UBTD2: variants seen among roughly 807,000 people sequenced by gnomAD.
UBTD2 encodes the protein ubiquitin domain containing 2.
Under a neutral mutation model 19.8 loss-of-function variants are expected in UBTD2, and 9 were observed. The ratio of observed to expected loss-of-function variants is 0.46; its 90% CI spans 0.27 to 0.79. The LOEUF (loss-of-function observed/expected upper bound fraction) is 0.79. Ranked by LOEUF, UBTD2 falls within the 30% of genes least tolerant of loss-of-function variation. The probability of loss-of-function intolerance (pLI) is 0.14; values close to 1 mark genes in which losing one functional copy is unlikely to be tolerated. For missense variants in UBTD2, 250 were observed against 300.4 expected (o/e 0.83, Z 1.24); for synonymous variants, 98 against 103.9 (o/e 0.94, Z 0.35).
At chr5:172,221,926 T>C (rs1226710101) in intron 2 of UBTD2, among the ~76,000 whole-genome samples, 1 of 152,122 alleles carries the variant, frequency 6.6e-6, no homozygotes, top group African/African-American at 2.4e-5. Context: ...ATGTTGATAC[T>C]GGGGGAGGCT....
At chr5:172,245,306 T>A (rs537487849) in intron 1 of UBTD2, among the ~76,000 whole-genome samples, 1 of 152,264 alleles carries the variant, frequency 6.6e-6, no homozygotes, top group Admixed American at 6.5e-5. Context: ...TCCTTGGTAA[T>A]GGAGATCATG....
intron 1 of UBTD2, among the ~76,000 whole-genome samples, chr5:172,268,765 AG>A (rs1425612917): frequency 6.6e-6 from 1 of 152,170 alleles, no homozygotes; most frequent in Non-Finnish European, 1.5e-5. Flanking sequence ...AGAATGTCAT[AG>A]GGAAGAAGAG....
At chr5:172,241,283 C>T (rs553421389) in intron 1 of UBTD2, among the ~76,000 whole-genome samples, 70 of 151,916 alleles carry the variant, frequency 4.6e-4, no homozygotes, top group Non-Finnish European at 9.0e-4. Flanking sequence ...CGCAGTGGTG[C>T]TTGTAATCCC....
At chr5:172,268,377 C>A (rs992804930) in intron 1 of UBTD2, among the ~76,000 whole-genome samples, 2 of 152,094 alleles carry the variant, frequency 1.3e-5, no homozygotes, top group Non-Finnish European at 2.9e-5. Context: ...GTTCAACCGT[C>A]CTCTGTAGAA....
At chr5:172,255,125 T>C (rs1755111390) in intron 1 of UBTD2, 2 of 466,136 alleles carry the variant, frequency 4.3e-6, no homozygotes, top group South Asian at 1.9e-5. Context: ...AGTATTTTCA[T>C]TGGTGGGCTG....
Position 172,211,343 on chromosome 5 carries a change from T to C in UBTD2, c.*487A>G, listed in dbSNP as rs1221611912. ...CAAATACTGCTCTTTTCAGTTTCCA[T>C]TAACCAAAACAAAACAAAACAAAAC... is the stretch of plus-strand genomic sequence containing the variant. On this transcript the variant is annotated 3_prime_UTR_variant, in exon 3 of 3. Coordinates refer to ENST00000393792, the MANE Select transcript of UBTD2 (RefSeq NM_152277.3). 8.8e-6 allele frequency: 1 copy of C among 113,938 alleles called. No homozygotes were observed. The highest frequency in any genetic ancestry group is 1.8e-5 in the Non-Finnish European group (1 of 56,888). The allele number at this position is 113,938 out of a possible 1,614,324, so 7.1% of individuals were successfully genotyped here. A position where few individuals can be genotyped will look rare whatever the true frequency, so the allele number is the denominator to read the frequency against.
At chr5:172,232,316 T>TA (rs10558751) in intron 2 of UBTD2, among the ~76,000 whole-genome samples, 11,471 of 131,878 alleles carry the variant, frequency 0.087, 936 homozygotes, top group African/African-American at 0.22. Context: ...CTCACTGTCA[T>TA]AAAAAAAAAA....
chr5:172,246,871 C>A (rs1305925387), intron 1 of UBTD2, among the ~76,000 whole-genome samples: 1 of 141,800 alleles, frequency 7.1e-6, no homozygotes, highest in Admixed American at 7.6e-5. Flanking sequence ...TCAAGCCATT[C>A]TCCCGTCTCA....
chr5:172,235,534 C>T (rs994864939), intron 1 of UBTD2, among the ~76,000 whole-genome samples: 6 of 130,378 alleles, frequency 4.6e-5, no homozygotes, highest in Non-Finnish European at 6.9e-5. Context: ...GGATTAGCTC[C>T]GAACCACAAG....
intron 2 of UBTD2, among the ~76,000 whole-genome samples, chr5:172,217,791 AAAT>A (rs1244386536): frequency 1.1e-4 from 16 of 152,168 alleles, no homozygotes; most frequent in Admixed American, 5.2e-4. Context: ...GACCAAGAAG[AAAT>A]AATAATGTTT....
At chr5:172,272,504 G>A (rs1346738420) in intron 1 of UBTD2, among the ~76,000 whole-genome samples, 1 of 147,978 alleles carries the variant, frequency 6.8e-6, no homozygotes, top group East Asian at 1.9e-4. Flanking sequence ...GAAAAAATGA[G>A]AGTCATTAAA....
At chr5:172,246,020 A>G (rs570932850) in intron 1 of UBTD2, among the ~76,000 whole-genome samples, 28 of 152,358 alleles carry the variant, frequency 1.8e-4, no homozygotes, top group African/African-American at 6.5e-4. Context: ...ATATGTGACC[A>G]ATTTTCAAAG....
intron 2 of UBTD2, among the ~76,000 whole-genome samples, chr5:172,215,632 G>C (rs933030233): frequency 2.6e-5 from 4 of 152,190 alleles, no homozygotes; most frequent in Non-Finnish European, 5.9e-5. Context: ...AGAAGTGTTA[G>C]AATGATCAGA....
chr5:172,250,714 C>T (rs1254877215), intron 1 of UBTD2, among the ~76,000 whole-genome samples: 3 of 151,842 alleles, frequency 2.0e-5, no homozygotes, highest in Non-Finnish European at 1.5e-5. Flanking sequence ...TTATATTGTG[C>T]TCATGAAAGA....
chr5:172,246,751 C>CTT (rs70982379), intron 1 of UBTD2, among the ~76,000 whole-genome samples: 1,231 of 62,488 alleles, frequency 0.02, 248 homozygotes, highest in Non-Finnish European at 0.026. Flanking sequence ...GCCGAGATTG[C>CTT]TTTTTTTTTT....
intron 1 of UBTD2, among the ~76,000 whole-genome samples, chr5:172,246,074 T>C (rs924608723): frequency 6.6e-6 from 1 of 152,174 alleles, no homozygotes; most frequent in African/African-American, 2.4e-5. Flanking sequence ...GATCCAGATG[T>C]TGAAATTATC....
chr5:172,233,989 G>A (rs1192415426), intron 2 of UBTD2, 133 bp downstream of exon 2: 5 of 832,958 alleles, frequency 6.0e-6, no homozygotes, highest in Non-Finnish European at 9.6e-6. Context: ...AAAGAGGAAT[G>A]CTATTCCTTG....
At chr5:172,257,457 A>G (rs1316414080) in intron 1 of UBTD2, among the ~76,000 whole-genome samples, 1 of 152,214 alleles carries the variant, frequency 6.6e-6, no homozygotes, top group Non-Finnish European at 1.5e-5. Context: ...CACACATATG[A>G]GTCTTCATGG....
chr5:172,260,356 C>T (rs1336697590), intron 1 of UBTD2, among the ~76,000 whole-genome samples: 1 of 152,062 alleles, frequency 6.6e-6, no homozygotes, highest in Non-Finnish European at 1.5e-5. Flanking sequence ...ATAGATAAGA[C>T]TGTTAGTATC....
Sources: gnomAD v4.1 joint callset for allele counts (sites outside exome capture counted in the v4.1 genomes callset) on GRCh38, gnomAD v4.1.1 for gene constraint, MANE v1.5 for transcripts, NCBI Gene and HGNC (gene_info 2026-07-23, HGNC 2026-07-21) for gene names.